INTS9: variants seen among roughly 807,000 people sequenced by gnomAD.
INTS9 encodes the protein protein related to CPSF subunits of 74 kDa.
In INTS9, 55 loss-of-function variants were observed where a neutral mutation model predicts 79.7. That is an observed-to-expected ratio of 0.69 (90% CI 0.56 to 0.86). The LOEUF is 0.86. Among genes scored for constraint, INTS9 ranks in the 40% least tolerant of loss-of-function variants. The probability of loss-of-function intolerance (pLI) is 0.00; values close to 1 mark genes in which losing one functional copy is unlikely to be tolerated. For missense variants in INTS9, 721 were observed against 831.5 expected, an observed-to-expected ratio of 0.87 and a Z score of 1.64; for synonymous variants, 319 against 325.2, an observed-to-expected ratio of 0.98 and a Z score of 0.20.
chr8:28,862,120 C>T (rs1453297961), intron 1 of INTS9: 4 of 985,322 alleles, frequency 4.1e-6, no homozygotes, highest in Non-Finnish European at 4.8e-6. Context: ...TGCAAAGGGC[C>T]CAGACCCTGT....
At chr8:28,819,327 T>C (rs1336389487) in intron 6 of INTS9, among the ~76,000 whole-genome samples, 4 of 152,234 alleles carry the variant, frequency 2.6e-5, no homozygotes, top group African/African-American at 7.2e-5. Flanking sequence ...GCTTTGAATG[T>C]GTCCCAGAGA....
At chr8:28,820,885 A>G (rs1007672186) in intron 6 of INTS9, among the ~76,000 whole-genome samples, 2 of 151,848 alleles carry the variant, frequency 1.3e-5, no homozygotes, top group African/African-American at 4.8e-5. Flanking sequence ...TAATGCATAT[A>G]TATTCTGACA....
At chr8:28,836,956 CA>C (rs948708654) in intron 5 of INTS9, among the ~76,000 whole-genome samples, 10 of 151,728 alleles carry the variant, frequency 6.6e-5, no homozygotes, top group Non-Finnish European at 1.5e-4. Context: ...TAATTTATTT[CA>C]AAAAAAATAA....
At chr8:28,793,784 A>G (rs748252182) in intron 10 of INTS9, 23 bp downstream of exon 10, 1 of 1,388,706 alleles carries the variant, frequency 7.2e-7, no homozygotes, top group Non-Finnish European at 9.7e-7. Context: ...ATTCACAAAA[A>G]AAAAAAAAAA....
chr8:28,867,821 T>C (rs569017154), intron 1 of INTS9, among the ~76,000 whole-genome samples: 20 of 152,258 alleles, frequency 1.3e-4, no homozygotes, highest in Middle Eastern at 3.4e-3. Context: ...TATTATGCTA[T>C]GGTGTTTATT....
chr8:28,788,955 G>A (rs1338762570), intron 10 of INTS9, among the ~76,000 whole-genome samples: 1 of 152,186 alleles, frequency 6.6e-6, no homozygotes, highest in African/African-American at 2.4e-5. Flanking sequence ...TCACTACTTT[G>A]AGGGGAGGAG....
intron 11 of INTS9, among the ~76,000 whole-genome samples, chr8:28,782,670 C>A (rs952977849): frequency 2.0e-5 from 3 of 152,210 alleles, no homozygotes; most frequent in African/African-American, 7.2e-5. Flanking sequence ...AATTCCAGCA[C>A]TTTGGGAGAC....
At chr8:28,804,287 T>C (rs1049387765) in intron 8 of INTS9, among the ~76,000 whole-genome samples, 2 of 152,120 alleles carry the variant, frequency 1.3e-5, no homozygotes, top group Non-Finnish European at 2.9e-5. Context: ...GCTGACAAAT[T>C]TGAGAAACTA....
chr8:28,837,241 CA>C (rs1563286383), intron 5 of INTS9, among the ~76,000 whole-genome samples: 1 of 152,102 alleles, frequency 6.6e-6, no homozygotes, highest in Non-Finnish European at 1.5e-5. Context: ...CAACAAACCA[CA>C]AAAAGGGGGA....
At chr8:28,789,223 T>C (rs954049330) in intron 10 of INTS9, among the ~76,000 whole-genome samples, 1 of 152,218 alleles carries the variant, frequency 6.6e-6, no homozygotes, top group East Asian at 1.9e-4. Context: ...AAGGACATTA[T>C]CCTACATGCA....
intron 8 of INTS9, chr8:28,799,570 T>C (rs1393276809): frequency 1.3e-5 from 2 of 152,216 alleles, no homozygotes; most frequent in Admixed American, 6.5e-5. Context: ...AAAAGGCTTT[T>C]AGTGACACTC....
chr8:28,884,168 CTTTTTTTTTTTTTTT>C (rs35799882), intron 1 of INTS9, among the ~76,000 whole-genome samples: 26 of 46,980 alleles, frequency 5.5e-4, no homozygotes, highest in East Asian at 4.5e-3. Flanking sequence ...ATCAGTGTAT[CTTTTTTTTTTTTTTT>C]TTTTTTTTTT....
intron 6 of INTS9, among the ~76,000 whole-genome samples, chr8:28,823,695 G>A (rs1805984897): frequency 6.6e-6 from 1 of 152,112 alleles, no homozygotes. Context: ...GAGACAAGTA[G>A]GGAAAGAGTA....
At chr8:28,852,803 A>G (rs986042045) in intron 2 of INTS9, among the ~76,000 whole-genome samples, 5 of 152,250 alleles carry the variant, frequency 3.3e-5, no homozygotes, top group Admixed American at 1.3e-4. Flanking sequence ...CATCAAGGCC[A>G]CCTATTATAC....
At chr8:28,876,805 C>T (rs1228903403) in intron 1 of INTS9, among the ~76,000 whole-genome samples, 1 of 151,836 alleles carries the variant, frequency 6.6e-6, no homozygotes, top group African/African-American at 2.4e-5. Flanking sequence ...AAATAAATAG[C>T]CTTCTTATAT....
intron 6 of INTS9, among the ~76,000 whole-genome samples, chr8:28,829,926 T>C (rs1346871489): frequency 6.6e-6 from 1 of 152,132 alleles, no homozygotes; most frequent in Non-Finnish European, 1.5e-5. Context: ...TACAGAGGTG[T>C]GGTCACCGGT....
At position 28,768,205 on chromosome 8, in the gene INTS9, C is replaced by T. The variant is rs1278031928; in HGVS notation, c.1918G>A (p.Asp640Asn). Residue 640 changes from aspartate to asparagine, a missense_variant, in exon 17 of 17, where the codon GAC (aspartate) becomes AAC (asparagine). Asp to Asn is a conservative substitution (Grantham distance 23, BLOSUM62 1). Around this residue, in one of 3 missense-constraint regions of INTS9, gnomAD observed 281 missense variants for 300.8 expected, o/e 0.93. Transcript: ENST00000521022. ...CGCAGTCGCACTCTGAGCATCTCGT[C>T]ATTGTCGCAGATGATATGGGTCGAG... ...EDSTHIICDNDEMLRVRLRDL... is the reference protein window; with the variant it reads ...EDSTHIICDNNEMLRVRLRDL... 1.2e-6 allele frequency: 2 copies of T among 1,614,094 alleles called. No individual in the cohort carries two copies. The highest frequency in any genetic ancestry group is 2.7e-5 in the African/African-American group (2 of 74,932).
intron 2 of INTS9, 32 bp downstream of exon 2, chr8:28,859,404 C>T (rs1808333491): frequency 1.2e-6 from 2 of 1,609,346 alleles, no homozygotes; most frequent in East Asian, 2.2e-5. Context: ...AAACTTAAAG[C>T]TCATTTTGTC....
Position 28,889,947 on chromosome 8 carries a change from G to C in INTS9, c.-65C>G. 1 of 1,363,606 alleles carries C rather than the reference G, an allele frequency of 7.3e-7. No homozygotes were observed. The highest frequency in any genetic ancestry group is 1.0e-6 in the Non-Finnish European group (1 of 957,802). The allele number at this position is 1,363,606 out of a possible 1,614,324, so 84.5% of individuals were successfully genotyped here. ...TCAAACCCAGGAAGCGTCTTCCGGT[G>C]CAATCTCCGCCACCTGCCAGCCGAG... On this transcript the variant is annotated 5_prime_UTR_variant, in exon 1 of 17. Coordinates refer to ENST00000521022, the MANE Select transcript of INTS9 (RefSeq NM_018250.4).
Sources: gnomAD v4.1 joint callset for allele counts (sites outside exome capture counted in the v4.1 genomes callset) on GRCh38, gnomAD v4.1.1 for gene constraint, gnomAD v4.1.1 regional missense constraint, MANE v1.5 for transcripts, NCBI Gene and HGNC (gene_info 2026-07-23, HGNC 2026-07-21) for gene names.